The following MCUB variants were observed in gnomAD, a reference collection of about 807,000 sequenced individuals.
MCUB encodes calcium uniporter regulatory subunit MCUb, mitochondrial.
MCUB carries 46 observed loss-of-function variants against 41.4 expected under a neutral mutation model. The ratio of observed to expected loss-of-function variants is 1.11; its 90% CI spans 0.88 to 1.42. The LOEUF (loss-of-function observed/expected upper bound fraction) is 1.42, where lower values mean the gene tolerates loss of function less well. Among genes scored for constraint, MCUB ranks in the 40% most tolerant of loss-of-function variants. MCUB has a pLI of 0.00. For missense variants in MCUB, 403 were observed against 404.9 expected (o/e 1.00, Z 0.04); for synonymous variants, 148 against 148.2 (o/e 1.00, Z 0.01).
intron 1 of MCUB, among the ~76,000 whole-genome samples, chr4:109,646,688 G>A (rs1057269248): frequency 2.0e-5 from 3 of 151,968 alleles, no homozygotes; most frequent in African/African-American, 4.8e-5. Flanking sequence ...CTCACTCCCC[G>A]CTCCTCTCAC....
At chr4:109,680,820 G>A (rs562073412) in intron 4 of MCUB, among the ~76,000 whole-genome samples, 1 of 152,266 alleles carries the variant, frequency 6.6e-6, no homozygotes, top group East Asian at 1.9e-4. Context: ...CTGGTGGGAA[G>A]GTCCATCTTC....
intron 4 of MCUB, among the ~76,000 whole-genome samples, chr4:109,674,550 ACT>A (rs1729531864): frequency 6.6e-6 from 1 of 152,160 alleles, no homozygotes. Context: ...GGACTGGCTG[ACT>A]CTGTTAGAAC....
At chr4:109,616,085 T>C (rs1211180430) in intron 1 of MCUB, among the ~76,000 whole-genome samples, 5 of 152,238 alleles carry the variant, frequency 3.3e-5, no homozygotes, top group Non-Finnish European at 5.9e-5. Context: ...ATATGTGAAA[T>C]GATGAGTGAT....
intron 1 of MCUB, among the ~76,000 whole-genome samples, chr4:109,605,943 T>C (rs1396809168): frequency 6.9e-6 from 1 of 144,708 alleles, no homozygotes; most frequent in African/African-American, 2.5e-5. Flanking sequence ...AGGCAGTAGA[T>C]CACTGGGCCT....
At chr4:109,637,841 A>G (rs1728628159) in intron 1 of MCUB, among the ~76,000 whole-genome samples, 1 of 152,236 alleles carries the variant, frequency 6.6e-6, no homozygotes, top group Non-Finnish European at 1.5e-5. Context: ...AATCACCACT[A>G]AAGAACTAAT....
intron 1 of MCUB, among the ~76,000 whole-genome samples, chr4:109,597,922 G>A (rs1259248281): frequency 2.0e-4 from 30 of 150,644 alleles, no homozygotes; most frequent in African/African-American, 5.9e-4. Context: ...AGACGGGGTC[G>A]CGGCCGGGCA....
chr4:109,588,677 C>G (rs1446251178), intron 1 of MCUB, among the ~76,000 whole-genome samples: 1 of 152,146 alleles, frequency 6.6e-6, no homozygotes, highest in Non-Finnish European at 1.5e-5. Flanking sequence ...AAAAATTTCT[C>G]TCCTGAAAAA....
chr4:109,598,322 C>CTCA (rs1561222136), intron 1 of MCUB, among the ~76,000 whole-genome samples: 10 of 152,094 alleles, frequency 6.6e-5, no homozygotes, highest in African/African-American at 2.4e-4. Flanking sequence ...ACTGAGTGAA[C>CTCA]GAGACTCCGT....
At chr4:109,617,610 A>G (rs2126134855) in intron 1 of MCUB, among the ~76,000 whole-genome samples, 1 of 152,280 alleles carries the variant, frequency 6.6e-6, no homozygotes, top group African/African-American at 2.4e-5. Flanking sequence ...ATTGTCATGA[A>G]TCTTTTCTTG....
rs750009598 is a variant in MCUB, at chr4:109,682,663, AAG to A, written c.536_537del (p.Glu179ValfsTer14). ...AGACTATTTACAATCTTGCATTTAG[AAG>A]AGTCTCAGAAAAAGAGAGAGCACCA... On this transcript the variant is annotated frameshift_variant, in exon 5 of 8. Transcript: ENST00000394650. LOFTEE classifies it high-confidence loss of function. The A allele has an allele frequency of 1.3e-5, 21 of 1,613,302 alleles. No individual in the cohort carries two copies. In the Admixed American group the frequency reaches 2.3e-4, roughly 18 times the overall value.
At chr4:109,586,624 C>T (rs1235394981) in intron 1 of MCUB, among the ~76,000 whole-genome samples, 1 of 152,184 alleles carries the variant, frequency 6.6e-6, no homozygotes, top group African/African-American at 2.4e-5. Flanking sequence ...TGGTGACCTA[C>T]AGATGGGGTT....
intron 1 of MCUB, among the ~76,000 whole-genome samples, chr4:109,578,969 C>G (rs1186227874): frequency 6.6e-6 from 1 of 152,190 alleles, no homozygotes; most frequent in East Asian, 1.9e-4. Context: ...TACTTTCCTT[C>G]TGTTTACATA....
intron 1 of MCUB, among the ~76,000 whole-genome samples, chr4:109,607,882 A>C (rs1727915934): frequency 6.6e-6 from 1 of 152,046 alleles, no homozygotes; most frequent in Admixed American, 6.5e-5. Flanking sequence ...CTTTGGGTTA[A>C]ATCTGCTTGG....
chr4:109,660,149 T>C lies in MCUB; in HGVS notation c.176-46T>C, dbSNP rs1222354090. The C allele has an allele frequency of 3.1e-6, 3 of 975,068 alleles. No homozygotes were observed. In the African/African-American group the frequency reaches 5.0e-5, roughly 16 times the overall value. The allele number at this position is 975,068 out of a possible 1,614,324, so 60.4% of individuals were successfully genotyped here. ...TAGAATTCTTGTATTTATGGTTTTTTTTAAAGTAAAATTTACTCATTTTTT... is the reference window on the plus strand; with the variant it reads ...TAGAATTCTTGTATTTATGGTTTTTCTTAAAGTAAAATTTACTCATTTTTT... On this transcript the variant is annotated intron_variant, in intron 2 of 7. Transcript: ENST00000394650.
chr4:109,621,856 A>C (rs796332909), intron 1 of MCUB, among the ~76,000 whole-genome samples: 45 of 152,252 alleles, frequency 3.0e-4, no homozygotes, highest in African/African-American at 1.0e-3. Flanking sequence ...CATGAAACTT[A>C]TAATGTGGGG....
rs895386137 is a variant in MCUB at position 109,626,501 on chromosome 4, A to AT, written c.100-32499dup. On this transcript the variant is annotated intron_variant, in intron 1 of 7. Transcript: ENST00000394650. ...CATGAAAAGTCCATTGAGAATCAGG[A>AT]TTTTTTTTTTTAATTAAAAAGAAAT... Among the ~76,000 whole-genome samples the AT allele has an allele frequency of 6.3e-3, 938 of 148,578 alleles. 7 individuals are homozygous for AT. The highest frequency in any genetic ancestry group is 0.015 in the East Asian group (75 of 5,108).
chr4:109,656,369 TTTTTTTTTTTTTTTTTTTTTTTTG>T lies in MCUB; in HGVS notation c.100-2641_100-2618del, dbSNP rs1729101052. The stretch of plus-strand genomic sequence containing the variant: ...TTACTCTCTACTTTTTTTTTTTTTT[TTTTTTTTTTTTTTTTTTTTTTTTG>T]GAGACAGGGTTTCCCTCTGTGGCCC... On this transcript the variant is annotated intron_variant, in intron 1 of 7. Coordinates refer to ENST00000394650, the MANE Select transcript of MCUB (RefSeq NM_017918.5). 2.3e-4 allele frequency among the ~76,000 whole-genome samples: 16 copies of T among 69,692 alleles called. 1 individual carries two copies. Among genetic ancestry groups the T allele is most frequent in the Admixed American group, 1.8e-3 (14 of 7,610 alleles). 45.7% of individuals were successfully genotyped at this position (69,692 alleles called of 152,430 possible).
intron 4 of MCUB, among the ~76,000 whole-genome samples, chr4:109,677,962 C>T (rs1474919414): frequency 5.9e-5 from 9 of 151,904 alleles, no homozygotes; most frequent in South Asian, 2.1e-4. Flanking sequence ...GAGGTCCCTG[C>T]GGCCTTCTGC....
intron 1 of MCUB, among the ~76,000 whole-genome samples, chr4:109,592,477 AAC>A (rs1727461665): frequency 6.6e-6 from 1 of 152,130 alleles, no homozygotes; most frequent in Non-Finnish European, 1.5e-5. Context: ...ATTTTTATGT[AAC>A]ACAAACATGC....
Sources: allele counts gnomAD v4.1 joint callset (sites outside exome capture counted in the v4.1 genomes callset), GRCh38; gene constraint gnomAD v4.1.1; transcripts MANE v1.5; gene names NCBI Gene and HGNC (gene_info 2026-07-23, HGNC 2026-07-21).